AGBL1: variants seen among roughly 807,000 people sequenced by gnomAD.
AGBL1 encodes the protein AGBL carboxypeptidase 1.
Under a neutral mutation model 118.9 loss-of-function variants are expected in AGBL1, and 130 were observed. That is an observed-to-expected ratio of 1.09 (90% CI 0.95 to 1.26). The LOEUF (loss-of-function observed/expected upper bound fraction) is 1.26. Ranked by LOEUF, AGBL1 falls within the 50% of genes most tolerant of loss-of-function variation. The pLI, the probability that AGBL1 is intolerant of heterozygous loss-of-function variation, is 0.00. For missense variants in AGBL1, 1,584 were observed against 1,298.1 expected (o/e 1.22, Z -3.38); for synonymous variants, 555 against 478.9 (o/e 1.16, Z -2.08).
At chr15:86,998,078 G>A (rs937625363) in intron 24 of AGBL1, among the ~76,000 whole-genome samples, 1 of 152,124 alleles carries the variant, frequency 6.6e-6, no homozygotes, top group South Asian at 2.1e-4. Flanking sequence ...TAGGATTGGG[G>A]ATTGTGACAG....
intron 17 of AGBL1, among the ~76,000 whole-genome samples, chr15:86,331,942 A>G (rs1320401790): frequency 1.3e-5 from 2 of 152,218 alleles, no homozygotes; most frequent in African/African-American, 4.8e-5. Context: ...AGTAATCATT[A>G]GTTGTCTAAG....
Position 86,954,207 on chromosome 15 carries a change from T to C in AGBL1, c.3222-33780T>C, listed in dbSNP as rs138140112. The stretch of plus-strand genomic sequence containing the variant: ...TATAAACTGTTGGTAAGGATGGAAA[T>C]TAGTTCAACCACTATAGAAAGCAGT... On this transcript the variant is annotated intron_variant, in intron 23 of 24. Coordinates refer to the AGBL1 transcript ENST00000441037. Among the ~76,000 whole-genome samples the C allele has an allele frequency of 2.1e-3, 322 of 152,230 alleles. 1 individual carries two copies. The highest frequency in any genetic ancestry group is 7.3e-3 in the South Asian group (35 of 4,820).
At chr15:86,334,101 T>C (rs889188813) in intron 17 of AGBL1, among the ~76,000 whole-genome samples, 11 of 152,172 alleles carry the variant, frequency 7.2e-5, no homozygotes, top group African/African-American at 2.7e-4. Context: ...CTTAAAGCAT[T>C]CTTTCTGAGA....
rs188101954 is a variant in AGBL1, at chr15:86,803,134, C to T, written c.3159-103953C>T. On this transcript the variant is annotated intron_variant, in intron 22 of 22. Coordinates refer to ENST00000614907, the MANE Select transcript of AGBL1 (RefSeq NM_001386094.1). ...TAAGGAGCATCATGTATAGCACTGA[C>T]ATGTTTTGGCTCTGTGTCTCCGCTG... Among the ~76,000 whole-genome samples, 5 of 152,218 alleles carry T rather than the reference C, an allele frequency of 3.3e-5. No individual in the cohort carries two copies. The East Asian group carries it at 5.8e-4, about 18-fold the overall frequency.
chr15:86,738,586 G>A (rs1235519402), intron 22 of AGBL1, among the ~76,000 whole-genome samples: 1 of 152,048 alleles, frequency 6.6e-6, no homozygotes, highest in African/African-American at 2.4e-5. Context: ...GGGTTTTTCT[G>A]ACTCTCTTCA....
chr15:86,889,469 G>C (rs973067481), intron 22 of AGBL1, among the ~76,000 whole-genome samples: 2 of 152,054 alleles, frequency 1.3e-5, no homozygotes, highest in South Asian at 4.1e-4. Flanking sequence ...ATGGTGGTTT[G>C]CTGCACAGAT....
intron 2 of AGBL1, 144 bp from the exon 3 acceptor site, chr15:86,143,555 A>G (rs1444415079): frequency 7.2e-6 from 7 of 977,990 alleles, no homozygotes; most frequent in Non-Finnish European, 8.8e-6. Flanking sequence ...CAACTTTAAC[A>G]CAGGTTGCTT....
At chr15:86,859,494 T>C (rs1239612941) in intron 22 of AGBL1, among the ~76,000 whole-genome samples, 1 of 152,144 alleles carries the variant, frequency 6.6e-6, no homozygotes, top group Non-Finnish European at 1.5e-5. Context: ...TAAATCTATC[T>C]CCCATGAAGA....
At chr15:86,471,498 G>GTTTT (rs375141045) in intron 18 of AGBL1, among the ~76,000 whole-genome samples, 1 of 142,462 alleles carries the variant, frequency 7.0e-6, no homozygotes, top group Admixed American at 7.0e-5. Context: ...TTGGCCTATA[G>GTTTT]TTTTTTTTTT....
intron 21 of AGBL1, among the ~76,000 whole-genome samples, chr15:86,667,290 C>T (rs2085664660): frequency 6.6e-6 from 1 of 151,628 alleles, no homozygotes. Flanking sequence ...TTGCTGTTGG[C>T]TTGCTGCCCT....
intron 24 of AGBL1, among the ~76,000 whole-genome samples, chr15:87,012,711 T>C (rs770761548): frequency 1.3e-5 from 2 of 151,868 alleles, no homozygotes; most frequent in Non-Finnish European, 2.9e-5. Context: ...ACGAAAAAAA[T>C]TATTTTTTGG....
At chr15:86,510,164 T>A (rs537482036) in intron 18 of AGBL1, among the ~76,000 whole-genome samples, 132 of 152,132 alleles carry the variant, frequency 8.7e-4, no homozygotes, top group Non-Finnish European at 1.6e-3. Flanking sequence ...TCTGTACCTG[T>A]GTCCCGTGTC....
At chr15:86,931,936 T>C (rs1325884178) in intron 23 of AGBL1, among the ~76,000 whole-genome samples, 1 of 152,228 alleles carries the variant, frequency 6.6e-6, no homozygotes, top group African/African-American at 2.4e-5. Context: ...AGTGTGATGC[T>C]ATCTAGCAAT....
intron 24 of AGBL1, among the ~76,000 whole-genome samples, chr15:86,994,363 G>A (rs2081361106): frequency 6.6e-6 from 1 of 152,018 alleles, no homozygotes; most frequent in Non-Finnish European, 1.5e-5. Flanking sequence ...GATGGGGTCG[G>A]ATGGGCACAG....
intron 21 of AGBL1, among the ~76,000 whole-genome samples, chr15:86,568,001 G>C (rs957091502): frequency 6.6e-5 from 10 of 152,008 alleles, no homozygotes; most frequent in Non-Finnish European, 2.9e-5. Flanking sequence ...ATCTTCTTTG[G>C]GATAGAAAAT....
At chr15:86,414,225 A>G (rs1157788627) in intron 18 of AGBL1, among the ~76,000 whole-genome samples, 4 of 152,162 alleles carry the variant, frequency 2.6e-5, no homozygotes, top group Non-Finnish European at 5.9e-5. Context: ...TAATGAGTAC[A>G]CTGTACATTA....
chr15:87,016,928 C>T (rs2081612964), intron 24 of AGBL1, among the ~76,000 whole-genome samples: 1 of 152,174 alleles, frequency 6.6e-6, no homozygotes, highest in Non-Finnish European at 1.5e-5. Flanking sequence ...CTGGGGCACA[C>T]ACAGAGACCC....
exon 25 of AGBL1, chr15:87,028,884 T>C (rs2081760466): frequency 1.9e-6 from 3 of 1,577,354 alleles, no homozygotes; most frequent in Non-Finnish European, 1.7e-6. Context: ...TCATGCCATG[T>C]GCCCAGCTCC....
chr15:86,980,885 C>CTTTTTTTTTTTTTTTT (rs36077192), intron 23 of AGBL1, among the ~76,000 whole-genome samples: 8 of 118,986 alleles, frequency 6.7e-5, no homozygotes, highest in Non-Finnish European at 8.3e-5. Context: ...CAGAAACATC[C>CTTTTTTTTTTTTTTTT]TTTTTTTTTT....
Sources: gnomAD v4.1 joint callset for allele counts (sites outside exome capture counted in the v4.1 genomes callset) on GRCh38, gnomAD v4.1.1 for gene constraint, MANE v1.5 for transcripts, NCBI Gene and HGNC (gene_info 2026-07-23, HGNC 2026-07-21) for gene names.